Variants in KCNMA1 observed in about 807,000 individuals in gnomAD.
KCNMA1 encodes the protein Calcium-activated potassium channel subunit alpha-1.
A neutral mutation model predicts 140.0 loss-of-function variants in KCNMA1; 29 were observed. The ratio of observed to expected loss-of-function variants is 0.21; its 90% confidence interval spans 0.15 to 0.28. The LOEUF (loss-of-function observed/expected upper bound fraction) is 0.28. Ranked by LOEUF, KCNMA1 falls within the 10% of genes least tolerant of loss-of-function variation. KCNMA1 has a pLI of 1.00. For missense variants in KCNMA1, 880 were observed against 1,602.2 expected, an observed-to-expected ratio of 0.55 and a Z score of 7.70; for synonymous variants, 612 against 611.9, an observed-to-expected ratio of 1.00 and a Z score of 0.00.
rs3068755 is a variant in KCNMA1 at position 77,324,940 on chromosome 10, A to ACT, written c.541-73686_541-73685dup. Reference sequence around the variant, plus strand: ...TTCTGGACACTCAGTATAGCTCTAGACTCTCTCTCTCTCTCTCTCTCTCTC... The same window carrying ACT: ...TTCTGGACACTCAGTATAGCTCTAGACTCTCTCTCTCTCTCTCTCTCTCTCTC... On this transcript the variant is annotated intron_variant, in intron 2 of 27. Coordinates refer to ENST00000286628, the MANE Select transcript of KCNMA1 (RefSeq NM_001161352.2). Among the ~76,000 whole-genome samples, 481 of 93,430 alleles carry ACT rather than the reference A, an allele frequency of 5.1e-3. 2 individuals are homozygous for ACT. Among genetic ancestry groups the ACT allele is most frequent in the African/African-American group, 5.8e-3 (183 of 31,410 alleles). The allele number at this position is 93,430 out of a possible 152,430, so 61.3% of individuals were successfully genotyped here. A position where few individuals can be genotyped will look rare whatever the true frequency, so the allele number is the denominator to read the frequency against.
intron 1 of KCNMA1, among the ~76,000 whole-genome samples, chr10:77,573,642 GGAATAGAATAGAATA>G (rs57641471): frequency 0.028 from 1,788 of 64,448 alleles, 58 homozygotes; most frequent in African/African-American, 0.034. Context: ...GGAATGGAAT[GGAATAGAATAGAATA>G]GAATAGAATA....
chr10:77,291,375 C>T (rs548529551), intron 2 of KCNMA1, among the ~76,000 whole-genome samples: 2 of 152,100 alleles, frequency 1.3e-5, no homozygotes, highest in South Asian at 2.1e-4. Flanking sequence ...TGCAAAACTC[C>T]AGGGATGAGG....
At chr10:76,966,663 G>A (rs1209834281) in intron 20 of KCNMA1, among the ~76,000 whole-genome samples, 3 of 152,122 alleles carry the variant, frequency 2.0e-5, no homozygotes, top group Non-Finnish European at 2.9e-5. Context: ...CGGGTGCTTG[G>A]TAATTTTAGA....
chr10:77,499,995 G>A (rs1437237777), intron 1 of KCNMA1, among the ~76,000 whole-genome samples: 1 of 152,132 alleles, frequency 6.6e-6, no homozygotes, highest in African/African-American at 2.4e-5. Context: ...ACGTGGCAAG[G>A]AGTAAGAGGC....
rs2092935203 is a variant in KCNMA1, at chr10:77,022,157, A to T, written c.1929-3058T>A. Among the ~76,000 whole-genome samples the T allele has an allele frequency of 2.0e-5, 3 of 152,270 alleles. No homozygotes were observed. In the South Asian group the frequency reaches 6.2e-4, roughly 32 times the overall value. ...CTCTGATCTCTTTAGGAGAGTATCC[A>T]ATGTTAAGTTTGTTTTGTTCTACTG... On this transcript the variant is annotated intron_variant, in intron 16 of 27. Coordinates refer to ENST00000286628, the MANE Select transcript of KCNMA1 (RefSeq NM_001161352.2).
intron 1 of KCNMA1, among the ~76,000 whole-genome samples, chr10:77,414,322 C>T (rs1312217863): frequency 6.6e-6 from 1 of 152,124 alleles, no homozygotes; most frequent in Non-Finnish European, 1.5e-5. Flanking sequence ...CAGCTCTTCT[C>T]AGAGCCAGGT....
Position 77,115,075 on chromosome 10 carries a change from T to C in KCNMA1, c.885-2633A>G, listed in dbSNP as rs150083469. Among the ~76,000 whole-genome samples, 141 of 152,366 alleles carry C rather than the reference T, an allele frequency of 9.3e-4. 1 individual carries two copies. Among genetic ancestry groups the C allele is most frequent in the South Asian group, 5.8e-3 (28 of 4,826 alleles). On this transcript the variant is annotated intron_variant, in intron 6 of 27. Transcript: ENST00000286628. The stretch of plus-strand genomic sequence containing the variant: ...TTTAGGATCACCTGTGCTTTATGTA[T>C]ACTAAGTCATTTAATGCTCATAACA...
chr10:77,317,631 T>C (rs1229555769), intron 2 of KCNMA1, among the ~76,000 whole-genome samples: 1 of 152,266 alleles, frequency 6.6e-6, no homozygotes, highest in Non-Finnish European at 1.5e-5. Flanking sequence ...CATTTTCATC[T>C]TATATTTTTA....
chr10:77,000,898 A>C (rs1170137555), intron 19 of KCNMA1, among the ~76,000 whole-genome samples: 1 of 127,650 alleles, frequency 7.8e-6, no homozygotes, highest in Admixed American at 8.1e-5. Flanking sequence ...ATATATATAT[A>C]TATCCATCTG....
chr10:77,406,003 C>A (rs767660604), intron 1 of KCNMA1, among the ~76,000 whole-genome samples: 1 of 152,212 alleles, frequency 6.6e-6, no homozygotes, highest in East Asian at 1.9e-4. Context: ...CAGCCCTGGA[C>A]GCTAATATTT....
Position 77,391,191 on chromosome 10 carries a change from C to T in KCNMA1, c.540+12671G>A, listed in dbSNP as rs188352413. Among the ~76,000 whole-genome samples the T allele has an allele frequency of 1.7e-3, 265 of 152,256 alleles. 3 individuals are homozygous for T. The highest frequency in any genetic ancestry group is 1.1e-3 in the Non-Finnish European group (76 of 68,018). The stretch of plus-strand genomic sequence containing the variant: ...CCATCTACCTTCCGAATTAACCAAC[C>T]TCCAGTAAACAAGGAAGGCCCAGAA... On this transcript the variant is annotated intron_variant, in intron 2 of 27. Transcript: ENST00000286628.
intron 2 of KCNMA1, among the ~76,000 whole-genome samples, chr10:77,375,869 C>T (rs529759915): frequency 1.3e-5 from 2 of 152,306 alleles, no homozygotes; most frequent in African/African-American, 4.8e-5. Context: ...CATCTTGGTG[C>T]TCTTGGGGCT....
At chr10:77,051,399 G>A (rs1314728722) in intron 14 of KCNMA1, among the ~76,000 whole-genome samples, 3 of 152,172 alleles carry the variant, frequency 2.0e-5, no homozygotes, top group Non-Finnish European at 4.4e-5. Flanking sequence ...GAAGCCAAAT[G>A]GGTTATTTGT....
At chr10:77,586,010 C>A (rs2077176880) in intron 1 of KCNMA1, among the ~76,000 whole-genome samples, 1 of 152,206 alleles carries the variant, frequency 6.6e-6, no homozygotes, top group Admixed American at 6.5e-5. Flanking sequence ...ACCAATCTGA[C>A]CACGCACACT....
intron 10 of KCNMA1, 97 bp from the exon 11 acceptor site, chr10:77,086,690 G>T: frequency 3.6e-6 from 3 of 834,820 alleles, no homozygotes; most frequent in Non-Finnish European, 6.1e-6. Context: ...GGGAGCCCTG[G>T]GGAGAGGCTG....
Position 76,944,789 on chromosome 10 carries a change from C to T in KCNMA1, c.2886G>A (p.Leu962=). ...SMQFDDSIGV[L]QANSQGFTPP... is the part of the protein sequence containing the mutation. ...TGTCCTTACCTTGGGAATTAGCCTG[C>T]AAGACTCCGATGCTGTCATCAAACT... is the stretch of plus-strand genomic sequence containing the variant. The change falls in exon 23 of 28, where the codon TTG becomes TTA. Residue 962 remains leucine (L), a synonymous_variant. Transcript: ENST00000286628. 5 of 1,614,104 alleles carry T rather than the reference C, an allele frequency of 3.1e-6. No homozygotes were observed. The highest frequency in any genetic ancestry group is 4.2e-6 in the Non-Finnish European group (5 of 1,179,972).
chr10:77,235,843 A>G (rs144134235), intron 3 of KCNMA1, among the ~76,000 whole-genome samples: 24 of 152,266 alleles, frequency 1.6e-4, no homozygotes, highest in African/African-American at 5.8e-4. Context: ...AAAGACATTA[A>G]CTTTGCCCAA....
chr10:77,103,276 G>A (rs1221439996), intron 9 of KCNMA1, among the ~76,000 whole-genome samples: 4 of 152,162 alleles, frequency 2.6e-5, no homozygotes, highest in African/African-American at 7.2e-5. Flanking sequence ...GACCACATCC[G>A]AGGTTGAAGG....
chr10:77,112,224 C>A, intron 7 of KCNMA1, 143 bp downstream of exon 7: 4 of 693,646 alleles, frequency 5.8e-6, no homozygotes, highest in South Asian at 1.5e-5. Context: ...GAAACCCAGA[C>A]AATTGTGTGG....
Sources: allele counts gnomAD v4.1 joint callset (sites outside exome capture counted in the v4.1 genomes callset), GRCh38; gene constraint gnomAD v4.1.1; transcripts MANE v1.5; gene names NCBI Gene and HGNC (gene_info 2026-07-23, HGNC 2026-07-21).